The following ANKS4B variants were observed in gnomAD, a reference collection of about 807,000 sequenced individuals.
ANKS4B encodes the protein ankyrin repeat and SAM domain-containing protein 4B.
ANKS4B carries 21 observed loss-of-function variants against 20.2 expected under a neutral mutation model. That is an observed-to-expected ratio of 1.04 (90% CI 0.74 to 1.50). The LOEUF is 1.50. Among genes scored for constraint, ANKS4B ranks in the 40% most tolerant of loss-of-function variants. The pLI is 0.00. For synonymous variants in ANKS4B, 179 were observed against 194.5 expected (o/e 0.92, Z 0.66); for missense variants, 473 against 494.6 (o/e 0.96, Z 0.41).
intron 1 of ANKS4B, among the ~76,000 whole-genome samples, chr16:21,236,210 G>A (rs1396713018): frequency 6.6e-6 from 1 of 152,162 alleles, no homozygotes; most frequent in East Asian, 1.9e-4. Flanking sequence ...AAGGGGGGAG[G>A]TGCTAGAAAC....
chr16:21,250,403 C>T lies in ANKS4B; in HGVS notation c.837C>T (p.Asn279=). ...PGLGSIVFRR[N]RISSPEDISD... ...TAGGAAGTATTGTTTTTAGAAGGAA[C>T]AGGATATCGAGTCCTGAAGACATCT... The change falls in exon 2 of 2, where the codon AAC becomes AAT. Residue 279 remains asparagine, a synonymous_variant. Coordinates refer to ENST00000311620, the MANE Select transcript of ANKS4B (RefSeq NM_145865.3). 4 of 1,614,134 alleles carry T rather than the reference C, an allele frequency of 2.5e-6. No individual in the cohort carries two copies. Among genetic ancestry groups the T allele is most frequent in the South Asian group, 1.1e-5 (1 of 91,074 alleles).
In ANKS4B at chr16:21,233,748, G is replaced by A. The variant is rs755676619; in HGVS notation, c.11G>A (p.Arg4His). 1.1e-5 allele frequency: 17 copies of A among 1,613,410 alleles called. No homozygotes were observed. Among genetic ancestry groups the A allele is most frequent in the Middle Eastern group, 1.6e-4 (1 of 6,080 alleles). MST[R>H]YHQAASDSYL... ...TGGTGAGCAGGAAAAATGTCTACTC[G>A]TTACCACCAAGCTGCTAGTGATAGT... The change falls in exon 1 of 2, where the codon CGT becomes CAT. Residue 4 changes from arginine to histidine, a missense_variant. Physicochemically the swap from Arg to His is conservative, Grantham distance 29. Coordinates refer to ENST00000311620, the MANE Select transcript of ANKS4B (RefSeq NM_145865.3).
At chr16:21,237,459 G>A (rs1362003935) in intron 1 of ANKS4B, among the ~76,000 whole-genome samples, 1 of 152,078 alleles carries the variant, frequency 6.6e-6, no homozygotes, top group African/African-American at 2.4e-5. Context: ...TTACAGCTCT[G>A]GCAGCAGAGA....
At chr16:21,239,175 C>G (rs989581060) in intron 1 of ANKS4B, among the ~76,000 whole-genome samples, 5 of 152,090 alleles carry the variant, frequency 3.3e-5, no homozygotes, top group Non-Finnish European at 5.9e-5. Context: ...TAAATTAGTT[C>G]AACCATTGTG....
rs547802096 is a variant in ANKS4B, at chr16:21,234,996, G to A, written c.164+1095G>A. ...CCCGAGTAGCTGGGACAAGAGGTGT[G>A]CACCACCATGCCCAGCAATTTTTGT... On this transcript the variant is annotated intron_variant, in intron 1 of 1. Transcript: ENST00000311620. Among the ~76,000 whole-genome samples the A allele has an allele frequency of 1.5e-4, 23 of 152,244 alleles. 2 individuals carry two copies. The highest frequency in any genetic ancestry group is 5.3e-4 in the African/African-American group (22 of 41,556).
intron 1 of ANKS4B, among the ~76,000 whole-genome samples, chr16:21,237,723 C>T (rs761465829): frequency 2.0e-5 from 3 of 152,142 alleles, no homozygotes; most frequent in Non-Finnish European, 2.9e-5. Flanking sequence ...GTTACATTGA[C>T]GATTAAGTTT....
chr16:21,249,959 G>T lies in ANKS4B; in HGVS notation c.393G>T (p.Lys131Asn). ...ATAQNIMNPK[K>N]VTRLKEQAQK... ...CACAGAACATCATGAACCCCAAGAAGGTCACCAGGCTGAAGGAGCAGGCTC... is the reference window on the plus strand; with the variant it reads ...CACAGAACATCATGAACCCCAAGAATGTCACCAGGCTGAAGGAGCAGGCTC... The change falls in exon 2 of 2, where the codon AAG becomes AAT. Residue 131 changes from lysine (K) to asparagine (N), a missense_variant. By Grantham distance (94) the Lys-to-Asn change is moderately conservative. Coordinates refer to ENST00000311620, the MANE Select transcript of ANKS4B (RefSeq NM_145865.3). 6.2e-7 allele frequency: 1 copy of T among 1,614,188 alleles called. No individual in the cohort carries two copies. Among genetic ancestry groups the T allele is most frequent in the Non-Finnish European group, 8.5e-7 (1 of 1,180,034 alleles).
chr16:21,243,244 A>G (rs1226414354), intron 1 of ANKS4B, among the ~76,000 whole-genome samples: 3 of 152,194 alleles, frequency 2.0e-5, no homozygotes, highest in Admixed American at 2.0e-4. Flanking sequence ...GCACTGATCT[A>G]CCAAAAATCA....
chr16:21,234,613 G>A lies in ANKS4B; in HGVS notation c.164+712G>A, dbSNP rs188020824. 6.1e-4 allele frequency among the ~76,000 whole-genome samples: 92 copies of A among 151,962 alleles called. 1 individual carries two copies. The highest frequency in any genetic ancestry group is 2.5e-3 in the Admixed American group (38 of 15,226). ...AGAGGGCTAGGTTGTGTTGGCAACCGTAACCCAAGAGGGGTAAAGAAAGAG... is the reference window on the plus strand; with the variant it reads ...AGAGGGCTAGGTTGTGTTGGCAACCATAACCCAAGAGGGGTAAAGAAAGAG... On this transcript the variant is annotated intron_variant, in intron 1 of 1. Transcript: ENST00000311620.
intron 1 of ANKS4B, among the ~76,000 whole-genome samples, chr16:21,247,044 G>T (rs1362551942): frequency 6.6e-6 from 1 of 151,148 alleles, no homozygotes; most frequent in African/African-American, 2.4e-5. Flanking sequence ...GTCTGGGTGA[G>T]AGTCTTCTGT....
chr16:21,245,616 C>T (rs1004413241), intron 1 of ANKS4B, among the ~76,000 whole-genome samples: 2 of 152,108 alleles, frequency 1.3e-5, no homozygotes, highest in Non-Finnish European at 2.9e-5. Context: ...AGGCGCGCAC[C>T]ACCATGCCTG....
At chr16:21,246,790 A>T (rs2093332861) in intron 1 of ANKS4B, among the ~76,000 whole-genome samples, 1 of 152,178 alleles carries the variant, frequency 6.6e-6, no homozygotes, top group African/African-American at 2.4e-5. Flanking sequence ...TCCTGCAGTA[A>T]TGATTCTTGC....
At chr16:21,235,235 A>G (rs754928031) in intron 1 of ANKS4B, among the ~76,000 whole-genome samples, 5 of 152,186 alleles carry the variant, frequency 3.3e-5, no homozygotes, top group Non-Finnish European at 5.9e-5. Flanking sequence ...GGCTTCCCTA[A>G]GGGGAAAGCA....
rs1245235717 is a variant in ANKS4B, at chr16:21,252,530, A to G, written c.*1710A>G. 6.6e-6 allele frequency: 1 copy of G among 152,260 alleles called. No individual in the cohort carries two copies. The highest frequency in any genetic ancestry group is 1.5e-5 in the Non-Finnish European group (1 of 68,046). 9.4% of individuals were successfully genotyped at this position (152,260 alleles called of 1,614,324 possible). A position where few individuals can be genotyped will look rare whatever the true frequency, so the allele number is the denominator to read the frequency against. ...TTGGGGAGGAGACCAAGAAAAATAC[A>G]GAAAAAAAGTCTGTCCAACTGCAAT... On this transcript the variant is annotated 3_prime_UTR_variant, in exon 2 of 2. Coordinates refer to ENST00000311620, the MANE Select transcript of ANKS4B (RefSeq NM_145865.3).
At chr16:21,242,476 G>A (rs1188268325) in intron 1 of ANKS4B, among the ~76,000 whole-genome samples, 2 of 152,196 alleles carry the variant, frequency 1.3e-5, no homozygotes, top group Non-Finnish European at 2.9e-5. Context: ...ATGAGCCACT[G>A]CGCCCAGCCT....
intron 1 of ANKS4B, among the ~76,000 whole-genome samples, chr16:21,243,684 GC>G (rs2152859624): frequency 6.6e-6 from 1 of 152,202 alleles, no homozygotes; most frequent in African/African-American, 2.4e-5. Context: ...CCATTCTCCT[GC>G]CTCAGCCTCC....
Position 21,241,314 on chromosome 16 carries a change from A to G in ANKS4B, c.164+7413A>G, listed in dbSNP as rs180909223. Among the ~76,000 whole-genome samples, 210 of 152,326 alleles carry G rather than the reference A, an allele frequency of 1.4e-3. 2 individuals are homozygous for G. The highest frequency in any genetic ancestry group is 4.8e-3 in the African/African-American group (200 of 41,574). On this transcript the variant is annotated intron_variant, in intron 1 of 1. Transcript: ENST00000311620. ...TGTTTAGCTCTCACTCATAAGTAAG[A>G]ATATGCGGTAGTGGGTTTTCCATTC...
chr16:21,246,693 T>C (rs1293335098), intron 1 of ANKS4B, among the ~76,000 whole-genome samples: 2 of 152,212 alleles, frequency 1.3e-5, no homozygotes, highest in Non-Finnish European at 2.9e-5. Flanking sequence ...GTATTGGAGA[T>C]GATTTGACTG....
rs1487395143 is a variant in ANKS4B at position 21,250,666 on chromosome 16, A to G, written c.1100A>G (p.Glu367Gly). The change falls in exon 2 of 2, where the codon GAG becomes GGG. Residue 367 changes from glutamate (E) to glycine (G), a missense_variant. By Grantham distance (98) the Glu-to-Gly change is moderately conservative (BLOSUM62 -2). Coordinates refer to ENST00000311620, the MANE Select transcript of ANKS4B (RefSeq NM_145865.3). ...LEEFLPIFKR[E>G]QIDLEALLLC... ...GAATTCCTGCCTATCTTCAAGAGAG[A>G]GCAGATTGATCTAGAAGCTCTGCTG... The G allele has an allele frequency of 3.1e-6, 5 of 1,613,640 alleles. No homozygotes were observed. The African/African-American group carries it at 6.7e-5, about 22-fold the overall frequency.
Sources: gnomAD v4.1 joint callset for allele counts (sites outside exome capture counted in the v4.1 genomes callset) on GRCh38, gnomAD v4.1.1 for gene constraint, MANE v1.5 for transcripts, NCBI Gene and HGNC (gene_info 2026-07-23, HGNC 2026-07-21) for gene names.